DSCAM: variants seen among roughly 807,000 people sequenced by gnomAD.
DSCAM encodes the protein cell adhesion molecule DSCAM.
In DSCAM, 47 loss-of-function variants were observed where a neutral mutation model predicts 217.7. The ratio of observed to expected loss-of-function variants is 0.22; its 90% CI spans 0.17 to 0.28. The LOEUF is 0.28. Among genes scored for constraint, DSCAM ranks in the 10% least tolerant of loss-of-function variants. The pLI, the probability that DSCAM is intolerant of heterozygous loss-of-function variation, is 1.00. For synonymous variants in DSCAM, 1,056 were observed against 1,015.3 expected (o/e 1.04, Z -0.76); for missense variants, 2,080 against 2,618.3 (o/e 0.79, Z 4.49).
chr21:40,626,070 A>G (rs973699239), intron 3 of DSCAM, among the ~76,000 whole-genome samples: 2 of 152,200 alleles, frequency 1.3e-5, no homozygotes, highest in African/African-American at 4.8e-5. Context: ...TATGGAATTC[A>G]ACAGATACAG....
intron 14 of DSCAM, among the ~76,000 whole-genome samples, chr21:40,183,751 G>C (rs907419515): frequency 3.3e-5 from 5 of 152,228 alleles, no homozygotes; most frequent in African/African-American, 1.2e-4. Flanking sequence ...CAAGCATAGA[G>C]TGAATGGTCA....
intron 31 of DSCAM, among the ~76,000 whole-genome samples, chr21:40,043,763 G>A (rs758007203): frequency 6.6e-6 from 1 of 152,180 alleles, no homozygotes; most frequent in Non-Finnish European, 1.5e-5. Flanking sequence ...CTGCAATCAC[G>A]GGGGTGAAAA....
chr21:40,683,425 A>G (rs898494338), intron 3 of DSCAM, among the ~76,000 whole-genome samples: 1 of 152,146 alleles, frequency 6.6e-6, no homozygotes. Flanking sequence ...AGTGTGTGAC[A>G]GAGAGAGAGA....
At chr21:40,809,112 C>A (rs1055015221) in intron 1 of DSCAM, among the ~76,000 whole-genome samples, 3 of 152,062 alleles carry the variant, frequency 2.0e-5, no homozygotes, top group Non-Finnish European at 2.9e-5. Flanking sequence ...TGAGATGAGA[C>A]CAGAGCATCC....
At chr21:40,688,928 T>C (rs921355589) in intron 3 of DSCAM, among the ~76,000 whole-genome samples, 8 of 152,212 alleles carry the variant, frequency 5.3e-5, no homozygotes, top group African/African-American at 1.9e-4. Flanking sequence ...TGGCCTCATA[T>C]GATGAAGAGG....
intron 1 of DSCAM, among the ~76,000 whole-genome samples, chr21:40,761,726 T>TA (rs938402936): frequency 1.2e-4 from 19 of 152,164 alleles, no homozygotes; most frequent in African/African-American, 4.3e-4. Flanking sequence ...TTTACTTTTT[T>TA]AAAAAAGAAC....
chr21:40,593,652 T>C (rs1239610749), intron 3 of DSCAM, among the ~76,000 whole-genome samples: 1 of 152,194 alleles, frequency 6.6e-6, no homozygotes, highest in Non-Finnish European at 1.5e-5. Context: ...GGCTATGATG[T>C]TTCAATATTA....
intron 18 of DSCAM, among the ~76,000 whole-genome samples, chr21:40,139,412 A>T (rs1399601208): frequency 1.3e-5 from 2 of 152,008 alleles, no homozygotes; most frequent in Non-Finnish European, 2.9e-5. Context: ...AAAGGCAAGA[A>T]GACAGGAAGC....
rs116883343 is a variant in DSCAM, at chr21:40,494,603, A to C, written c.509-125358T>G. 5.5e-3 allele frequency among the ~76,000 whole-genome samples: 840 copies of C among 152,300 alleles called. 10 individuals carry two copies. In the East Asian group the frequency reaches 0.056, roughly 10 times the overall value. On this transcript the variant is annotated intron_variant, in intron 3 of 32. Transcript: ENST00000400454. ...CAGTGTGCCAAAACTTATAGGATGT[A>C]GCAAAAGTAGTTCTAATAAAGAAGT...
intron 3 of DSCAM, 134 bp from the exon 4 acceptor site, chr21:40,369,379 C>T (rs2410235): frequency 6.5e-5 from 37 of 568,032 alleles, no homozygotes; most frequent in Middle Eastern, 1.0e-3. Flanking sequence ...TGGGTGCGTG[C>T]GTCTGCGTGT....
At chr21:40,198,527 C>A (rs2146850967) in intron 11 of DSCAM, among the ~76,000 whole-genome samples, 1 of 152,324 alleles carries the variant, frequency 6.6e-6, no homozygotes, top group East Asian at 1.9e-4. Context: ...GAGACCCACC[C>A]TGCCCGGTCA....
intron 3 of DSCAM, among the ~76,000 whole-genome samples, chr21:40,528,127 CATT>C (rs746000490): frequency 9.9e-5 from 15 of 152,162 alleles, no homozygotes; most frequent in Non-Finnish European, 1.5e-4. Context: ...CATAAATCAT[CATT>C]GATTTAATTT....
intron 1 of DSCAM, among the ~76,000 whole-genome samples, chr21:40,748,105 C>T (rs1187590214): frequency 6.6e-6 from 1 of 151,790 alleles, no homozygotes; most frequent in African/African-American, 2.4e-5. Context: ...CCACAGAGAA[C>T]ATCATACTGA....
At chr21:40,370,717 C>T (rs995473722) in intron 3 of DSCAM, among the ~76,000 whole-genome samples, 2 of 152,022 alleles carry the variant, frequency 1.3e-5, no homozygotes. Flanking sequence ...ACCTCCTGAG[C>T]TCAAGCAATC....
chr21:40,661,529 A>G (rs2146380813), intron 3 of DSCAM, among the ~76,000 whole-genome samples: 1 of 152,330 alleles, frequency 6.6e-6, no homozygotes, highest in South Asian at 2.1e-4. Context: ...CAACATCCCT[A>G]TTTGAAAGGT....
intron 1 of DSCAM, among the ~76,000 whole-genome samples, chr21:40,802,031 T>G (rs1276658909): frequency 1.3e-5 from 2 of 151,920 alleles, no homozygotes; most frequent in Non-Finnish European, 2.9e-5. Flanking sequence ...AACTGTGGAG[T>G]CACCAGTAGC....
intron 3 of DSCAM, among the ~76,000 whole-genome samples, chr21:40,450,637 G>C (rs2075711042): frequency 6.6e-6 from 1 of 152,188 alleles, no homozygotes; most frequent in Non-Finnish European, 1.5e-5. Flanking sequence ...GCAAATGTTT[G>C]AGATTTTTAT....
rs376525585 is a variant in DSCAM at position 40,708,687 on chromosome 21, A to G, written c.128T>C (p.Leu43Pro). 1 of 1,612,482 alleles carries G rather than the reference A, an allele frequency of 6.2e-7. No individual in the cohort carries two copies. The highest frequency in any genetic ancestry group is 8.5e-7 in the Non-Finnish European group (1 of 1,179,346). The change falls in exon 2 of 33, where the codon CTG becomes CCG. Residue 43 changes from leucine (L) to proline (P), a missense_variant. This residue lies in a region of DSCAM where 568 missense variants were observed against 678.1 expected (regional missense o/e 0.84). Coordinates refer to ENST00000400454, the MANE Select transcript of DSCAM (RefSeq NM_001389.5). ...GATGCCTGCTGCGGGGCAGGGCACC[A>G]GAGTCCCCGTGGTGCTGGCAAACAC... ...EVVFASTTGT[L>P]VPCPAAGIPP...
At chr21:40,476,720 A>G (rs2075939534) in intron 3 of DSCAM, among the ~76,000 whole-genome samples, 1 of 152,116 alleles carries the variant, frequency 6.6e-6, no homozygotes, top group African/African-American at 2.4e-5. Flanking sequence ...GGCAGGTCAT[A>G]GGGAAAGCTT....
Sources: gnomAD v4.1 joint callset for allele counts (sites outside exome capture counted in the v4.1 genomes callset) on GRCh38, gnomAD v4.1.1 for gene constraint, gnomAD v4.1.1 regional missense constraint, MANE v1.5 for transcripts, NCBI Gene and HGNC (gene_info 2026-07-23, HGNC 2026-07-21) for gene names.